AKT3: variants seen among roughly 807,000 people sequenced by gnomAD.
The protein encoded by AKT3 is AKT serine/threonine kinase 3.
Under a neutral mutation model 65.3 loss-of-function variants are expected in AKT3, and 15 were observed. That is an observed-to-expected ratio of 0.23 (90% CI 0.15 to 0.35). The LOEUF (loss-of-function observed/expected upper bound fraction) is 0.35, where lower values mean the gene tolerates loss of function less well. Among genes scored for constraint, AKT3 ranks in the 10% least tolerant of loss-of-function variants. The pLI is 1.00. For synonymous variants in AKT3, 206 were observed against 183.8 expected (o/e 1.12, Z -0.98); for missense variants, 243 against 576.5 (o/e 0.42, Z 5.92).
intron 5 of AKT3, among the ~76,000 whole-genome samples, chr1:243,643,330 T>C (rs572378387): frequency 6.6e-6 from 1 of 152,326 alleles, no homozygotes; most frequent in South Asian, 2.1e-4. Context: ...TTATAGCCAG[T>C]TGATCCCAGA....
chr1:243,696,833 A>G (rs1417106364), intron 2 of AKT3, among the ~76,000 whole-genome samples: 1 of 151,980 alleles, frequency 6.6e-6, no homozygotes, highest in African/African-American at 2.4e-5. Flanking sequence ...CTTCCATCCT[A>G]ATGTATCTAT....
chr1:243,501,443 T>TC lies in AKT3; in HGVS notation c.*3805dup. On this transcript the variant is annotated 3_prime_UTR_variant, in exon 14 of 14. Coordinates refer to ENST00000673466, the MANE Select transcript of AKT3 (RefSeq NM_005465.7). The stretch of plus-strand genomic sequence containing the variant: ...TGTATAGATGATTCGGGTCTGAATG[T>TC]CCCCAGGGTCTGAGACCTCCTTCAT... The TC allele has an allele frequency of 4.3e-6, 1 of 233,190 alleles. No individual in the cohort carries two copies. Among genetic ancestry groups the TC allele is most frequent in the East Asian group, 6.0e-5 (1 of 16,568 alleles). 14.4% of individuals were successfully genotyped at this position (233,190 alleles called of 1,614,324 possible). A position where few individuals can be genotyped will look rare whatever the true frequency, so the allele number is the denominator to read the frequency against.
intron 12 of AKT3, among the ~76,000 whole-genome samples, chr1:243,529,219 A>C (rs1574545753): frequency 6.7e-6 from 1 of 148,366 alleles, no homozygotes; most frequent in Non-Finnish European, 1.5e-5. Flanking sequence ...TGTCAGATGC[A>C]TAGTTTGCAA....
chr1:243,796,551 G>C (rs751366120), intron 2 of AKT3, among the ~76,000 whole-genome samples: 4 of 152,180 alleles, frequency 2.6e-5, no homozygotes, highest in Non-Finnish European at 4.4e-5. Flanking sequence ...GCCAATGTAT[G>C]TCTATCTCTG....
intron 12 of AKT3, among the ~76,000 whole-genome samples, chr1:243,520,146 A>C (rs1670627826): frequency 6.6e-6 from 1 of 152,232 alleles, no homozygotes; most frequent in African/African-American, 2.4e-5. Flanking sequence ...TTTGGAGATA[A>C]GGTCTTTAAA....
Position 243,580,762 on chromosome 1 carries a change from T to C in AKT3, c.697-7714A>G, listed in dbSNP as rs534001154. ...GGTAACCCACTCTGTTCTCCTGAGA[T>C]TGTGGTGCAGTAGGGCCCTTGCTGC... is the stretch of plus-strand genomic sequence containing the variant. On this transcript the variant is annotated intron_variant, in intron 8 of 13. Transcript: ENST00000673466. Among the ~76,000 whole-genome samples, 26 of 152,280 alleles carry C rather than the reference T, an allele frequency of 1.7e-4. No individual in the cohort carries two copies. The East Asian group carries it at 4.6e-3, about 27-fold the overall frequency.
At chr1:243,563,934 T>C in intron 9 of AKT3, 86 bp from the exon 10 acceptor site, 1 of 1,353,264 alleles carries the variant, frequency 7.4e-7, no homozygotes, top group East Asian at 2.4e-5. Flanking sequence ...GAATGCTGAG[T>C]AAGGTATTTT....
At chr1:243,509,031 T>C (rs1669856974) in intron 13 of AKT3, among the ~76,000 whole-genome samples, 1 of 152,130 alleles carries the variant, frequency 6.6e-6, no homozygotes, top group African/African-American at 2.4e-5. Context: ...ATCTTGAAAG[T>C]TACTACAATG....
intron 3 of AKT3, among the ~76,000 whole-genome samples, chr1:243,674,900 A>G (rs1447650500): frequency 6.6e-6 from 1 of 152,214 alleles, no homozygotes; most frequent in Non-Finnish European, 1.5e-5. Context: ...AAGCTGAGAT[A>G]TGGGCTTCTA....
intron 2 of AKT3, among the ~76,000 whole-genome samples, chr1:243,799,236 C>T (rs950686031): frequency 2.0e-4 from 30 of 152,126 alleles, no homozygotes; most frequent in African/African-American, 4.6e-4. Context: ...ATGCAGGAAA[C>T]AATTTTACTC....
Position 243,760,174 on chromosome 1 carries a change from C to T in AKT3, c.47-64458G>A, listed in dbSNP as rs372649840. 1.1e-4 allele frequency among the ~76,000 whole-genome samples: 17 copies of T among 151,746 alleles called. No homozygotes were observed. In the East Asian group the frequency reaches 1.2e-3, roughly 10 times the overall value. The stretch of plus-strand genomic sequence containing the variant: ...TCACTCTGTCGCCCAGACAGGAGTA[C>T]GGTGGTGTGGCCTTTGCCCACTGCA... On this transcript the variant is annotated intron_variant, in intron 2 of 13. Transcript: ENST00000673466.
At chr1:243,783,273 A>G (rs908894562) in intron 2 of AKT3, among the ~76,000 whole-genome samples, 2 of 152,316 alleles carry the variant, frequency 1.3e-5, no homozygotes, top group Non-Finnish European at 2.9e-5. Flanking sequence ...TGGGAAGGAA[A>G]GAGGAGCTAG....
At chr1:243,623,782 G>C (rs1033281591) in intron 6 of AKT3, among the ~76,000 whole-genome samples, 2 of 152,140 alleles carry the variant, frequency 1.3e-5, no homozygotes, top group Middle Eastern at 3.2e-3. Flanking sequence ...GGCCTGTCTT[G>C]GGAATTTTCA....
intron 10 of AKT3, among the ~76,000 whole-genome samples, chr1:243,560,676 C>G (rs1378274905): frequency 4.6e-5 from 7 of 152,086 alleles, no homozygotes; most frequent in Non-Finnish European, 1.0e-4. Context: ...GTTTTCTTGT[C>G]TTTAAAGAGA....
At chr1:243,712,406 G>T (rs1686220565) in intron 2 of AKT3, among the ~76,000 whole-genome samples, 1 of 152,120 alleles carries the variant, frequency 6.6e-6, no homozygotes, top group South Asian at 2.1e-4. Flanking sequence ...CATTACTCTG[G>T]ACACGAAGCT....
chr1:243,532,980 A>G (rs746379386), intron 12 of AKT3, among the ~76,000 whole-genome samples: 26 of 152,056 alleles, frequency 1.7e-4, no homozygotes, highest in Non-Finnish European at 3.4e-4. Flanking sequence ...TATTTCTCTC[A>G]AGTCAGGAGT....
chr1:243,505,160 C>CTATG lies in AKT3; in HGVS notation c.*85_*88dup, dbSNP rs1309249426. 1.2e-5 allele frequency: 15 copies of CTATG among 1,246,980 alleles called. No individual in the cohort carries two copies. The South Asian group carries it at 1.7e-4, about 14-fold the overall frequency. The allele number at this position is 1,246,980 out of a possible 1,614,324, so 77.2% of individuals were successfully genotyped here. A position where few individuals can be genotyped will look rare whatever the true frequency, so the allele number is the denominator to read the frequency against. ...TCTGGGATGTCGGAAGGTGCCCCTGCTATGTGTAAGAGCTAGGACTGGTGA... is the reference window on the plus strand; with the variant it reads ...TCTGGGATGTCGGAAGGTGCCCCTGCTATGTATGTGTAAGAGCTAGGACTGGTGA... On this transcript the variant is annotated 3_prime_UTR_variant, in exon 14 of 14. Coordinates refer to ENST00000673466, the MANE Select transcript of AKT3 (RefSeq NM_005465.7).
chr1:243,754,672 A>G (rs1344412933), intron 2 of AKT3, among the ~76,000 whole-genome samples: 1 of 152,180 alleles, frequency 6.6e-6, no homozygotes, highest in African/African-American at 2.4e-5. Flanking sequence ...TGTGCATGCG[A>G]GGGATCTAGG....
intron 10 of AKT3, among the ~76,000 whole-genome samples, chr1:243,558,284 T>A (rs994382889): frequency 6.6e-6 from 1 of 152,056 alleles, no homozygotes; most frequent in African/African-American, 2.4e-5. Flanking sequence ...GTTTTTAATT[T>A]ATATAGAAAT....
Sources: allele counts gnomAD v4.1 joint callset (sites outside exome capture counted in the v4.1 genomes callset), GRCh38; gene constraint gnomAD v4.1.1; transcripts MANE v1.5; gene names NCBI Gene and HGNC (gene_info 2026-07-23, HGNC 2026-07-21).